Variants in CDH18 observed in about 807,000 individuals in gnomAD.
CDH18 encodes cadherin 18.
In CDH18, 31 loss-of-function variants were observed where a neutral mutation model predicts 67.9. The ratio of observed to expected loss-of-function variants is 0.46; its 90% CI spans 0.34 to 0.62. The LOEUF (loss-of-function observed/expected upper bound fraction) is 0.62. Ranked by LOEUF, CDH18 falls within the 20% of genes least tolerant of loss-of-function variation. The pLI is 0.01. For synonymous variants in CDH18, 362 were observed against 347.2 expected (o/e 1.04, Z -0.48); for missense variants, 890 against 975.5 (o/e 0.91, Z 1.17).
chr5:19,478,269 G>A (rs1397884903), intron 12 of CDH18, among the ~76,000 whole-genome samples: 1 of 152,026 alleles, frequency 6.6e-6, no homozygotes, highest in Non-Finnish European at 1.5e-5. Flanking sequence ...TAAGTAGCTT[G>A]CATAGCAGAA....
intron 5 of CDH18, among the ~76,000 whole-genome samples, chr5:19,635,375 T>G (rs1373590762): frequency 2.0e-5 from 3 of 152,176 alleles, no homozygotes; most frequent in Non-Finnish European, 4.4e-5. Context: ...TTAAACAAAA[T>G]GTACATACAA....
chr5:19,824,836 G>A (rs1780245020), intron 3 of CDH18, among the ~76,000 whole-genome samples: 1 of 152,174 alleles, frequency 6.6e-6, no homozygotes, highest in African/African-American at 2.4e-5. Flanking sequence ...ACACTTGCTA[G>A]AGCTTCTGGC....
intron 2 of CDH18, among the ~76,000 whole-genome samples, chr5:19,994,758 G>C (rs1333395032): frequency 1.5e-5 from 1 of 68,196 alleles, no homozygotes; most frequent in Non-Finnish European, 2.8e-5. Flanking sequence ...GAGAGAGAGA[G>C]AGAGAGAGAG....
intron 3 of CDH18, among the ~76,000 whole-genome samples, chr5:19,808,381 A>T (rs567561252): frequency 6.6e-6 from 1 of 152,220 alleles, no homozygotes; most frequent in African/African-American, 2.4e-5. Flanking sequence ...CTTTTAAATT[A>T]AATGTCTTTG....
intron 1 of CDH18, among the ~76,000 whole-genome samples, chr5:20,547,708 C>T (rs1757418561): frequency 6.6e-6 from 1 of 152,140 alleles, no homozygotes; most frequent in African/African-American, 2.4e-5. Flanking sequence ...TTTGGACAAA[C>T]TTTCCAGGTA....
intron 2 of CDH18, among the ~76,000 whole-genome samples, chr5:19,946,480 C>A (rs1051402799): frequency 6.6e-6 from 1 of 152,080 alleles, no homozygotes; most frequent in Non-Finnish European, 1.5e-5. Context: ...GACCCTATTT[C>A]CCTGCTTAAT....
intron 1 of CDH18, among the ~76,000 whole-genome samples, chr5:20,555,612 G>A (rs1031334806): frequency 6.6e-6 from 1 of 151,084 alleles, no homozygotes. Flanking sequence ...ACACAGACAA[G>A]CTTTTCTTAA....
intron 2 of CDH18, among the ~76,000 whole-genome samples, chr5:20,080,558 A>T (rs950292700): frequency 6.6e-6 from 1 of 152,180 alleles, no homozygotes; most frequent in African/African-American, 2.4e-5. Context: ...TGTTAATTAA[A>T]ATACTTGAAT....
intron 2 of CDH18, among the ~76,000 whole-genome samples, chr5:19,873,641 C>CA (rs919257951): frequency 1.2e-4 from 18 of 151,740 alleles, no homozygotes; most frequent in Middle Eastern, 3.4e-3. Context: ...TTCAAAATAT[C>CA]AAAAAAAACT....
intron 1 of CDH18, among the ~76,000 whole-genome samples, chr5:20,483,824 A>G (rs1752988463): frequency 6.6e-6 from 1 of 152,074 alleles, no homozygotes; most frequent in African/African-American, 2.4e-5. Context: ...AAACTATGAA[A>G]CTAGTAAAAG....
At chr5:20,063,907 G>C (rs1742736599) in intron 2 of CDH18, among the ~76,000 whole-genome samples, 2 of 151,952 alleles carry the variant, frequency 1.3e-5, no homozygotes, top group South Asian at 4.2e-4. Flanking sequence ...TTGTGCTCGG[G>C]GAAACAACTG....
At chr5:20,294,990 G>A (rs1263054564) in intron 1 of CDH18, among the ~76,000 whole-genome samples, 1 of 152,144 alleles carries the variant, frequency 6.6e-6, no homozygotes, top group African/African-American at 2.4e-5. Flanking sequence ...TGAAATCTGT[G>A]TGGGTAATTT....
At chr5:19,651,546 TA>T (rs1755584798) in intron 5 of CDH18, among the ~76,000 whole-genome samples, 1 of 152,000 alleles carries the variant, frequency 6.6e-6, no homozygotes, top group Admixed American at 6.6e-5. Context: ...GGGAGACAGA[TA>T]AAAGTTTAAT....
At chr5:20,045,569 T>C (rs1351905179) in intron 2 of CDH18, among the ~76,000 whole-genome samples, 2 of 149,664 alleles carry the variant, frequency 1.3e-5, no homozygotes, top group African/African-American at 4.9e-5. Flanking sequence ...CATGCAAAAA[T>C]AGAAAACACA....
chr5:19,873,070 G>A (rs1351757161), intron 2 of CDH18, among the ~76,000 whole-genome samples: 1 of 152,086 alleles, frequency 6.6e-6, no homozygotes, highest in Admixed American at 6.6e-5. Context: ...GTTGCTAGAA[G>A]GAAGTGTTTA....
intron 1 of CDH18, among the ~76,000 whole-genome samples, chr5:20,456,458 C>T (rs1750841474): frequency 6.6e-6 from 1 of 152,038 alleles, no homozygotes; most frequent in African/African-American, 2.4e-5. Context: ...TGGCAAACAA[C>T]CCTCCACTCA....
chr5:19,701,859 A>G (rs1436339329), intron 5 of CDH18, among the ~76,000 whole-genome samples: 1 of 152,166 alleles, frequency 6.6e-6, no homozygotes, highest in Non-Finnish European at 1.5e-5. Context: ...ATCTGGTACC[A>G]GGCTTCTTTC....
At chr5:19,624,107 A>G (rs919321592) in intron 5 of CDH18, among the ~76,000 whole-genome samples, 1 of 151,380 alleles carries the variant, frequency 6.6e-6, no homozygotes, top group African/African-American at 2.4e-5. Context: ...TGCTGGGTGC[A>G]AGTGATTCTC....
chr5:20,148,372 C>T (rs1384926613), intron 2 of CDH18, among the ~76,000 whole-genome samples: 1 of 152,110 alleles, frequency 6.6e-6, no homozygotes, highest in Non-Finnish European at 1.5e-5. Context: ...GCTGGGATTA[C>T]ATGCGTGAGC....
Sources: allele counts gnomAD v4.1 joint callset (sites outside exome capture counted in the v4.1 genomes callset), GRCh38; gene constraint gnomAD v4.1.1; transcripts MANE v1.5; gene names NCBI Gene and HGNC (gene_info 2026-07-23, HGNC 2026-07-21).